The following PABPC1L variants were observed in gnomAD, a reference collection of about 807,000 sequenced individuals.
PABPC1L encodes the protein polyadenylate-binding protein 1-like.
PABPC1L carries 31 observed loss-of-function variants against 66.6 expected under a neutral mutation model. The observed-to-expected ratio is 0.47, with a 90% CI of 0.35 to 0.63. PABPC1L has a LOEUF of 0.63. Among genes scored for constraint, PABPC1L ranks in the 20% least tolerant of loss-of-function variants. The pLI is 0.00. For missense variants in PABPC1L, 722 were observed against 848.8 expected (o/e 0.85, Z 1.86); for synonymous variants, 348 against 335.1 (o/e 1.04, Z -0.42).
At position 44,938,593 on chromosome 20, in the gene PABPC1L, G is replaced by C. The variant is rs8119805; in HGVS notation, c.1792-81G>C. 2,078 of 1,490,432 alleles carry C rather than the reference G, an allele frequency of 1.4e-3. 23 individuals carry two copies. In the African/African-American group the frequency reaches 0.024, roughly 17 times the overall value. The allele number at this position is 1,490,432 out of a possible 1,614,324, so 92.3% of individuals were successfully genotyped here. Reference sequence around the variant, plus strand: ...GGAGGAGGATCCTGTATCCAGGATGGTGAGCGAGGGGGAGATCAAGGCTCT... The same window carrying C: ...GGAGGAGGATCCTGTATCCAGGATGCTGAGCGAGGGGGAGATCAAGGCTCT... On this transcript the variant is annotated intron_variant, in intron 13 of 14. Coordinates refer to ENST00000217073, the MANE Select transcript of PABPC1L (RefSeq NM_001372179.1).
chr20:44,911,894 GTC>G (rs2066707944), intron 1 of PABPC1L, among the ~76,000 whole-genome samples: 1 of 152,138 alleles, frequency 6.6e-6, no homozygotes, highest in Non-Finnish European at 1.5e-5. Flanking sequence ...CCCCTTCCAT[GTC>G]TCTGCACTAG....
In PABPC1L at chr20:44,910,291, C is replaced by T; in HGVS notation, c.148C>T (p.Arg50Cys). ...CGTGTGCCGCGATGTAGCCACCCGG[C>T]GCTCGCTGGGCTACGCCTACATCAA... Reference protein sequence around the residue: ...IRVCRDVATRRSLGYAYINFQ... With the variant: ...IRVCRDVATRCSLGYAYINFQ... Residue 50 changes from arginine to cysteine, a missense_variant, in exon 1 of 15, where the codon CGC becomes TGC. Physicochemically the swap from Arg to Cys is radical, Grantham distance 180 (BLOSUM62 -3). Around this residue, in one of 3 missense-constraint regions of PABPC1L, gnomAD observed 284 missense variants for 294.8 expected, o/e 0.96. Coordinates refer to ENST00000217073, the MANE Select transcript of PABPC1L (RefSeq NM_001372179.1). 1 of 1,547,670 alleles carries T rather than the reference C, an allele frequency of 6.5e-7. No homozygotes were observed. Among genetic ancestry groups the T allele is most frequent in the Non-Finnish European group, 8.7e-7 (1 of 1,144,704 alleles).
intron 13 of PABPC1L, among the ~76,000 whole-genome samples, 183 bp downstream of exon 13, chr20:44,938,374 GC>G (rs1298273905): frequency 6.6e-6 from 1 of 152,192 alleles, no homozygotes; most frequent in African/African-American, 2.4e-5. Flanking sequence ...TGCTACTTCA[GC>G]CCTTCCGTAG....
At chr20:44,925,133 A>C (rs1447676618) in intron 7 of PABPC1L, among the ~76,000 whole-genome samples, 1 of 150,516 alleles carries the variant, frequency 6.6e-6, no homozygotes, top group Non-Finnish European at 1.5e-5. Flanking sequence ...GAATGGCATG[A>C]ACCCAGGAGG....
chr20:44,939,057 A>G, intron 14 of PABPC1L, 69 bp from the exon 15 acceptor site: 1 of 716,554 alleles, frequency 1.4e-6, no homozygotes, highest in Non-Finnish European at 2.6e-6. Flanking sequence ...GGATGTAACC[A>G]CCTTCTTTAT....
chr20:44,937,719 C>T lies in PABPC1L; in HGVS notation c.1661-342C>T, dbSNP rs557773007. ...TGTGAGCCACCATGCCTGGCCTCACCCAGAAACATTTTGAATGAGCTTAAT... is the reference window on the plus strand; with the variant it reads ...TGTGAGCCACCATGCCTGGCCTCACTCAGAAACATTTTGAATGAGCTTAAT... On this transcript the variant is annotated intron_variant, in intron 12 of 14. Coordinates refer to ENST00000217073, the MANE Select transcript of PABPC1L (RefSeq NM_001372179.1). 543 of 234,046 alleles carry T rather than the reference C, an allele frequency of 2.3e-3. 3 individuals carry two copies. Among genetic ancestry groups the T allele is most frequent in the Non-Finnish European group, 2.8e-3 (339 of 119,950 alleles). 14.5% of individuals were successfully genotyped at this position (234,046 alleles called of 1,614,324 possible).
At chr20:44,925,230 A>G (rs79186866) in intron 7 of PABPC1L, among the ~76,000 whole-genome samples, 4 of 150,428 alleles carry the variant, frequency 2.7e-5, no homozygotes, top group African/African-American at 7.3e-5. Flanking sequence ...AAAAAAAAAA[A>G]GCGCCCAGAT....
At chr20:44,916,584 C>T (rs1255065662) in intron 2 of PABPC1L, among the ~76,000 whole-genome samples, 172 bp from the exon 3 acceptor site, 2 of 152,154 alleles carry the variant, frequency 1.3e-5, no homozygotes, top group Admixed American at 6.6e-5. Context: ...TTCCTTAATC[C>T]GTTAACTTGA....
intron 13 of PABPC1L, 25 bp from the exon 14 acceptor site, chr20:44,938,649 C>A (rs777108061): frequency 1.3e-6 from 2 of 1,584,150 alleles, no homozygotes; most frequent in Non-Finnish European, 1.7e-6. Flanking sequence ...CTGCACTAAG[C>A]CCCCCCGCCA....
chr20:44,931,048 C>CCCTTCCCTTT (rs2066852562), intron 8 of PABPC1L, among the ~76,000 whole-genome samples: 1 of 26,364 alleles, frequency 3.8e-5, no homozygotes, highest in Non-Finnish European at 8.4e-5. Context: ...TCCCTCCCTT[C>CCCTTCCCTTT]CCTTCCCTTC....
At chr20:44,910,503 A>G (rs1253984442) in intron 1 of PABPC1L, among the ~76,000 whole-genome samples, 167 bp downstream of exon 1, 4 of 137,554 alleles carry the variant, frequency 2.9e-5, no homozygotes, top group African/African-American at 1.1e-4. Flanking sequence ...TGAGACGGGA[A>G]TTGGTAATTA....
At chr20:44,911,337 G>A (rs951423651) in intron 1 of PABPC1L, among the ~76,000 whole-genome samples, 1 of 152,070 alleles carries the variant, frequency 6.6e-6, no homozygotes, top group African/African-American at 2.4e-5. Context: ...GATGGCGGAC[G>A]CCTGTAATCC....
rs779997619 is a variant in PABPC1L at position 44,932,375 on chromosome 20, C to G, written c.1273C>G (p.Pro425Ala). 33 of 1,613,682 alleles carry G rather than the reference C, an allele frequency of 2.0e-5. No individual in the cohort carries two copies. Among genetic ancestry groups the G allele is most frequent in the Admixed American group, 1.2e-4 (7 of 59,972 alleles). The change falls in exon 9 of 15, where the codon CCA becomes GCA. Residue 425 changes from proline (P) to alanine (A), a missense_variant. Coordinates refer to ENST00000217073, the MANE Select transcript of PABPC1L (RefSeq NM_001372179.1). ...CCAGGCTGCATACTATGGCTGTGGCCCAGTGACACCCACCCAGCCTGCCCC... is the reference window on the plus strand; with the variant it reads ...CCAGGCTGCATACTATGGCTGTGGCGCAGTGACACCCACCCAGCCTGCCCC... ...PAQAAYYGCG[P>A]VTPTQPAPRW... is the part of the protein sequence containing the mutation.
intron 7 of PABPC1L, among the ~76,000 whole-genome samples, chr20:44,926,433 G>T (rs2066809986): frequency 6.6e-6 from 1 of 151,568 alleles, no homozygotes; most frequent in South Asian, 2.1e-4. Flanking sequence ...CACTGTGTTG[G>T]CCGGGCTGGT....
intron 8 of PABPC1L, 38 bp downstream of exon 8, chr20:44,930,764 C>G (rs749552914): frequency 6.3e-7 from 1 of 1,596,866 alleles, no homozygotes; most frequent in South Asian, 1.1e-5. Flanking sequence ...CAGCCTTCCC[C>G]CCTGCCCCAG....
intron 9 of PABPC1L, 127 bp downstream of exon 9, chr20:44,932,559 C>T: frequency 2.7e-6 from 2 of 740,192 alleles, no homozygotes; most frequent in Non-Finnish European, 2.2e-6. Context: ...TTCTCTGAGC[C>T]TCAGTTTCCT....
chr20:44,912,751 G>T lies in PABPC1L; in HGVS notation c.285G>T (p.Lys95Asn). 6.2e-7 allele frequency: 1 copy of T among 1,614,206 alleles called. No homozygotes were observed. The highest frequency in any genetic ancestry group is 2.2e-5 in the East Asian group (1 of 44,890). Residue 95 changes from lysine to asparagine, a missense_variant, in exon 2 of 15, where the codon AAG becomes AAT. Transcript: ENST00000217073. Reference sequence around the variant, plus strand: ...CCCAGCGAGACCCAGGACTTCGCAAGTCAGGTGTGGGCAACATCTTCATCA... The same window carrying T: ...CCCAGCGAGACCCAGGACTTCGCAATTCAGGTGTGGGCAACATCTTCATCA... ...MWSQRDPGLR[K>N]SGVGNIFIKN...
intron 9 of PABPC1L, chr20:44,932,657 T>G (rs749994617): frequency 5.8e-6 from 3 of 517,798 alleles, no homozygotes; most frequent in Non-Finnish European, 1.0e-5. Context: ...CCACCAGCAG[T>G]CATCACCAAA....
intron 11 of PABPC1L, 136 bp from the exon 12 acceptor site, chr20:44,936,501 C>G (rs532869031): frequency 4.5e-6 from 3 of 673,384 alleles, no homozygotes; most frequent in Non-Finnish European, 2.5e-6. Flanking sequence ...CTCTCCACCC[C>G]ACCTGATCAT....
Sources: gnomAD v4.1 joint callset for allele counts (sites outside exome capture counted in the v4.1 genomes callset) on GRCh38, gnomAD v4.1.1 for gene constraint, gnomAD v4.1.1 regional missense constraint, MANE v1.5 for transcripts, NCBI Gene and HGNC (gene_info 2026-07-23, HGNC 2026-07-21) for gene names.